The following SUMF1 variants were observed in gnomAD, a reference collection of about 807,000 sequenced individuals.
SUMF1 encodes formylglycine-generating enzyme.
SUMF1 carries 48 observed loss-of-function variants against 47.6 expected under a neutral mutation model. The ratio of observed to expected loss-of-function variants is 1.01; its 90% CI spans 0.80 to 1.28. The LOEUF is 1.28. Among genes scored for constraint, SUMF1 ranks in the 50% most tolerant of loss-of-function variants. The probability of loss-of-function intolerance (pLI) is 0.00; values close to 1 mark genes in which losing one functional copy is unlikely to be tolerated. For missense variants in SUMF1, 571 were observed against 485.4 expected (o/e 1.18, Z -1.66); for synonymous variants, 230 against 192.1 (o/e 1.20, Z -1.63).
intron 8 of SUMF1, chr3:4,303,828 G>C: frequency 7.3e-7 from 1 of 1,360,936 alleles, no homozygotes; most frequent in African/African-American, 1.5e-5. Flanking sequence ...GGCATCACGG[G>C]GGGAGTCATT....
In SUMF1 at chr3:4,371,722, C is replaced by T. The variant is rs116322637; in HGVS notation, c.1014+4608G>A. 5.7e-3 allele frequency among the ~76,000 whole-genome samples: 863 copies of T among 152,252 alleles called. 8 individuals are homozygous for T. Among genetic ancestry groups the T allele is most frequent in the African/African-American group, 0.02 (820 of 41,536 alleles). On this transcript the variant is annotated intron_variant, in intron 8 of 8. Coordinates refer to ENST00000272902, the MANE Select transcript of SUMF1 (RefSeq NM_182760.4). ...ACTTACTATGTGAACTGTATTACTA[C>T]GTATTAATTCACTTAATCCTCTCAG...
Position 4,410,930 on chromosome 3 carries a change from T to C in SUMF1, c.889A>G (p.Asn297Asp). 2 of 1,614,026 alleles carry C rather than the reference T, an allele frequency of 1.2e-6. No individual in the cohort carries two copies. Among genetic ancestry groups the C allele is most frequent in the Non-Finnish European group, 1.7e-6 (2 of 1,179,936 alleles). ...NGYGLYNIVG[N>D]AWEWTSDWWT... ...CAGTCTGAAGTCCATTCCCATGCGT[T>C]CCCCACTATGTTGTATAAGCCATAA... The change falls in exon 7 of 9, where the codon AAC (asparagine) becomes GAC (aspartate). Residue 297 changes from asparagine (N) to aspartate (D), a missense_variant. Asn to Asp is a conservative substitution (Grantham distance 23). Coordinates refer to ENST00000272902, the MANE Select transcript of SUMF1 (RefSeq NM_182760.4).
chr3:4,037,562 T>G (rs544188835), intron 9 of SUMF1, among the ~76,000 whole-genome samples: 1 of 152,336 alleles, frequency 6.6e-6, no homozygotes, highest in South Asian at 2.1e-4. Context: ...GTATCATTTT[T>G]TTGCGATTCT....
intron 8 of SUMF1, among the ~76,000 whole-genome samples, chr3:4,321,485 A>AAAAAAAAAGAAAAAAAAAAAAAAAAAT (rs1698830917): frequency 6.7e-6 from 1 of 150,320 alleles, no homozygotes; most frequent in Non-Finnish European, 1.5e-5. Flanking sequence ...AAAAAAAAAA[A>AAAAAAAAAGAAAAAAAAAAAAAAAAAT]AAAAAAAAGA....
chr3:4,161,530 C>G (rs1322726963), intron 8 of SUMF1, among the ~76,000 whole-genome samples: 1 of 152,154 alleles, frequency 6.6e-6, no homozygotes, highest in Non-Finnish European at 1.5e-5. Flanking sequence ...GTCCTTCCCA[C>G]TTTCCCTCCC....
At chr3:4,037,898 T>G (rs1694830244) in intron 9 of SUMF1, among the ~76,000 whole-genome samples, 1 of 152,182 alleles carries the variant, frequency 6.6e-6, no homozygotes. Flanking sequence ...CATCTTGCCT[T>G]TGGTTTCACA....
chr3:4,182,289 G>A (rs1018603497), intron 8 of SUMF1, among the ~76,000 whole-genome samples: 4 of 151,688 alleles, frequency 2.6e-5, no homozygotes, highest in Non-Finnish European at 5.9e-5. Flanking sequence ...TCCTAAATAC[G>A]TTAAAGCCCC....
At chr3:4,095,559 C>A (rs1692882977) in intron 8 of SUMF1, among the ~76,000 whole-genome samples, 2 of 152,028 alleles carry the variant, frequency 1.3e-5, no homozygotes, top group South Asian at 4.1e-4. Context: ...CTGCCACTGA[C>A]AAGAAACACT....
intron 7 of SUMF1, among the ~76,000 whole-genome samples, chr3:4,398,768 A>G (rs1163193083): frequency 6.6e-6 from 1 of 152,258 alleles, no homozygotes; most frequent in Non-Finnish European, 1.5e-5. Context: ...AAGCCACTGT[A>G]TGACATAGCG....
chr3:4,286,558 G>A (rs1214255027), intron 8 of SUMF1, among the ~76,000 whole-genome samples: 1 of 152,056 alleles, frequency 6.6e-6, no homozygotes, highest in Non-Finnish European at 1.5e-5. Context: ...AGGTTTTATT[G>A]TTTAAATTTC....
chr3:4,225,142 C>A (rs1317375849), intron 8 of SUMF1, among the ~76,000 whole-genome samples: 1 of 152,080 alleles, frequency 6.6e-6, no homozygotes, highest in Non-Finnish European at 1.5e-5. Context: ...TGAGGATTCA[C>A]CCTTGGGAGA....
At chr3:4,347,682 T>G (rs308710) in intron 8 of SUMF1, among the ~76,000 whole-genome samples, 55,021 of 152,022 alleles carry the variant, frequency 0.36, 13,034 homozygotes, top group African/African-American at 0.68. Flanking sequence ...GTTCTGGCCA[T>G]GGCAATCAGG....
At chr3:4,115,882 G>A (rs917567836) in intron 8 of SUMF1, among the ~76,000 whole-genome samples, 2 of 151,938 alleles carry the variant, frequency 1.3e-5, no homozygotes, top group Non-Finnish European at 2.9e-5. Context: ...CTGCCATTTG[G>A]GCTGGCAGAT....
At chr3:4,162,237 G>C (rs795290) in intron 8 of SUMF1, among the ~76,000 whole-genome samples, 41,103 of 151,998 alleles carry the variant, frequency 0.27, 5,735 homozygotes, top group South Asian at 0.39. Flanking sequence ...TGGAAGAAAG[G>C]AGTTTCTTTT....
rs17039961 is a variant in SUMF1, at chr3:4,119,299, T to C, written c.1015-50554A>G. Among the ~76,000 whole-genome samples, 500 of 152,206 alleles carry C rather than the reference T, an allele frequency of 3.3e-3. 15 individuals are homozygous for C. Among genetic ancestry groups the C allele is most frequent in the African/African-American group, 0.011 (464 of 41,478 alleles). ...GCATTACTGCCTGTTATATTCCTTA[T>C]AGCCACATCTGCTCCTGCTTAAAAG... On this transcript the variant is annotated intron_variant and NMD_transcript_variant, in intron 8 of 12. Transcript: ENST00000448413.
At chr3:4,071,031 G>A (rs554501942) in intron 8 of SUMF1, among the ~76,000 whole-genome samples, 1 of 152,082 alleles carries the variant, frequency 6.6e-6, no homozygotes, top group South Asian at 2.1e-4. Flanking sequence ...TTAGCTTTGT[G>A]TAGTATTTTC....
intron 8 of SUMF1, among the ~76,000 whole-genome samples, chr3:4,149,152 G>A (rs570365853): frequency 9.9e-5 from 15 of 152,132 alleles, no homozygotes; most frequent in South Asian, 4.2e-4. Context: ...CCTACAGAGA[G>A]GTGTTCTTGT....
chr3:4,332,966 T>C (rs890508684), intron 8 of SUMF1, among the ~76,000 whole-genome samples: 3 of 151,954 alleles, frequency 2.0e-5, no homozygotes, highest in African/African-American at 7.3e-5. Context: ...TTGGGAGGAG[T>C]TTGGCTGGGG....
intron 8 of SUMF1, among the ~76,000 whole-genome samples, chr3:4,302,493 T>C (rs1697994494): frequency 6.6e-6 from 1 of 152,128 alleles, no homozygotes; most frequent in Non-Finnish European, 1.5e-5. Flanking sequence ...GAACAGATTG[T>C]AAATGTTTCT....
Sources: allele counts gnomAD v4.1 joint callset (sites outside exome capture counted in the v4.1 genomes callset), GRCh38; gene constraint gnomAD v4.1.1; transcripts MANE v1.5; gene names NCBI Gene and HGNC (gene_info 2026-07-23, HGNC 2026-07-21).